Variants in SNTG2 observed in about 807,000 individuals in gnomAD.
The protein encoded by SNTG2 is syntrophin gamma 2.
SNTG2 carries 74 observed loss-of-function variants against 70.9 expected under a neutral mutation model. That is an observed-to-expected ratio of 1.04 (90% CI 0.86 to 1.27). The LOEUF is 1.27. Ranked by LOEUF, SNTG2 falls within the 50% of genes most tolerant of loss-of-function variation. The pLI, the probability that SNTG2 is intolerant of heterozygous loss-of-function variation, is 0.00. For synonymous variants in SNTG2, 278 were observed against 273.8 expected, an observed-to-expected ratio of 1.02 and a Z score of -0.15; for missense variants, 717 against 690.7, an observed-to-expected ratio of 1.04 and a Z score of -0.43.
At chr2:1,288,990 G>T (rs1679881837) in intron 14 of SNTG2, among the ~76,000 whole-genome samples, 1 of 152,086 alleles carries the variant, frequency 6.6e-6, no homozygotes, top group Admixed American at 6.5e-5. Flanking sequence ...TGGCCTTTGA[G>T]ATTGTTGATT....
chr2:1,078,538 G>A (rs1203075320), intron 1 of SNTG2, among the ~76,000 whole-genome samples: 1 of 152,098 alleles, frequency 6.6e-6, no homozygotes, highest in Non-Finnish European at 1.5e-5. Context: ...CGGCGGCGCT[G>A]CAGGACAGCT....
chr2:1,231,045 G>T, intron 9 of SNTG2, among the ~76,000 whole-genome samples: 1 of 150,586 alleles, frequency 6.6e-6, no homozygotes, highest in East Asian at 2.0e-4. Context: ...TCTTCCATAG[G>T]GTCACTGCGA....
At chr2:1,283,189 G>A (rs899643431) in intron 14 of SNTG2, among the ~76,000 whole-genome samples, 2 of 152,046 alleles carry the variant, frequency 1.3e-5, no homozygotes, top group African/African-American at 4.8e-5. Context: ...TACTGCTGCC[G>A]CCCACGCCCT....
intron 14 of SNTG2, among the ~76,000 whole-genome samples, chr2:1,299,418 G>A (rs1352711219): frequency 6.6e-6 from 1 of 152,130 alleles, no homozygotes; most frequent in Non-Finnish European, 1.5e-5. Flanking sequence ...GCTTTGGGTG[G>A]CTCCTGCAGT....
chr2:1,320,338 T>A (rs1572977481), intron 16 of SNTG2, among the ~76,000 whole-genome samples: 2 of 151,728 alleles, frequency 1.3e-5, no homozygotes, highest in South Asian at 4.2e-4. Context: ...ATCGAGACCA[T>A]CCTGGCTGAC....
intron 14 of SNTG2, among the ~76,000 whole-genome samples, chr2:1,296,611 C>T (rs548345867): frequency 6.6e-6 from 1 of 152,354 alleles, no homozygotes. Flanking sequence ...CCTGGTCACT[C>T]AGGGACCTCA....
intron 9 of SNTG2, among the ~76,000 whole-genome samples, chr2:1,231,818 C>G (rs949197282): frequency 8.5e-5 from 13 of 152,196 alleles, no homozygotes; most frequent in Non-Finnish European, 1.8e-4. Context: ...AACATTTACT[C>G]ACAAAGCAAA....
rs1349891758 is a variant in SNTG2, at chr2:1,173,123, T to A, written c.531T>A (p.Ser177Arg). ...GSPGPSSDHS[S>R]GASSPLFDSG... is the part of the protein sequence containing the mutation. ...CAGGGCCATCCAGCGACCACAGCAG[T>A]GGGGCCTCCTCTCCCCTCTTTGACA... The change falls in exon 8 of 17, where the codon AGT (serine) becomes AGA (arginine). Residue 177 changes from serine to arginine, a missense_variant. Coordinates refer to ENST00000308624, the MANE Select transcript of SNTG2 (RefSeq NM_018968.4). The A allele has an allele frequency of 6.2e-7, 1 of 1,614,008 alleles. No individual in the cohort carries two copies. The highest frequency in any genetic ancestry group is 2.2e-5 in the East Asian group (1 of 44,884).
chr2:1,363,195 G>A lies in SNTG2; in HGVS notation c.1489-4148G>A, dbSNP rs139893923. Among the ~76,000 whole-genome samples, 18 of 148,258 alleles carry A rather than the reference G, an allele frequency of 1.2e-4. No homozygotes were observed. In the East Asian group the frequency reaches 2.9e-3, roughly 23 times the overall value. ...ACAAGAAGTACCACAAAAGACCCTG[G>A]CAACACCACAAGCTGCACAAAGACC... On this transcript the variant is annotated intron_variant, in intron 16 of 16. Coordinates refer to ENST00000308624, the MANE Select transcript of SNTG2 (RefSeq NM_018968.4).
chr2:1,124,143 GAAGT>G (rs1031297607), intron 4 of SNTG2, among the ~76,000 whole-genome samples: 2 of 151,882 alleles, frequency 1.3e-5, no homozygotes, highest in African/African-American at 4.8e-5. Context: ...AAAAACATGT[GAAGT>G]ATTTGAGGTC....
chr2:984,259 CTTT>C (rs35096466), intron 1 of SNTG2, among the ~76,000 whole-genome samples: 19,895 of 140,244 alleles, frequency 0.14, 1,591 homozygotes, highest in Middle Eastern at 0.22. Context: ...AGAAACAAAG[CTTT>C]TTTTTTTTTT....
chr2:1,064,233 G>C (rs1388577178), intron 1 of SNTG2, among the ~76,000 whole-genome samples: 1 of 151,920 alleles, frequency 6.6e-6, no homozygotes, highest in Non-Finnish European at 1.5e-5. Flanking sequence ...TCAAACAGAA[G>C]TAAAATAAAA....
At chr2:1,115,732 C>G (rs78389930) in intron 4 of SNTG2, among the ~76,000 whole-genome samples, 63 of 117,404 alleles carry the variant, frequency 5.4e-4, no homozygotes, top group African/African-American at 1.7e-3. Context: ...GATGTTTAAG[C>G]CTCAGAGTCC....
At chr2:1,137,026 A>T (rs73168784) in intron 4 of SNTG2, among the ~76,000 whole-genome samples, 2,708 of 152,318 alleles carry the variant, frequency 0.018, 95 homozygotes, top group African/African-American at 0.061. Context: ...CTTTGTTACG[A>T]GGAAGTGACA....
At chr2:1,129,403 A>G (rs28532183) in intron 4 of SNTG2, among the ~76,000 whole-genome samples, 72,193 of 152,096 alleles carry the variant, frequency 0.47, 18,159 homozygotes, top group East Asian at 0.66. Flanking sequence ...AAAGGTCTAT[A>G]TCATTATTTG....
At chr2:1,151,604 C>T (rs1669500889) in intron 6 of SNTG2, among the ~76,000 whole-genome samples, 1 of 152,192 alleles carries the variant, frequency 6.6e-6, no homozygotes, top group Admixed American at 6.5e-5. Context: ...CTCTAGGAAC[C>T]TTCAATGCTT....
At chr2:1,311,367 C>A (rs1680979332) in intron 15 of SNTG2, among the ~76,000 whole-genome samples, 2 of 152,150 alleles carry the variant, frequency 1.3e-5, no homozygotes, top group Admixed American at 1.3e-4. Flanking sequence ...ACAACTGAAC[C>A]TGAAAATAGC....
chr2:1,120,136 C>G (rs751681325), intron 4 of SNTG2, among the ~76,000 whole-genome samples: 1 of 152,074 alleles, frequency 6.6e-6, no homozygotes, highest in Admixed American at 6.5e-5. Context: ...ATTGATCATT[C>G]TTTCTCTATC....
chr2:1,241,975 A>G (rs28567636), intron 11 of SNTG2, among the ~76,000 whole-genome samples: 1,827 of 152,328 alleles, frequency 0.012, 40 homozygotes, highest in African/African-American at 0.042. Flanking sequence ...TAATATAAGA[A>G]AGTTGTACTG....
Sources: allele counts gnomAD v4.1 joint callset (sites outside exome capture counted in the v4.1 genomes callset), GRCh38; gene constraint gnomAD v4.1.1; transcripts MANE v1.5; gene names NCBI Gene and HGNC (gene_info 2026-07-23, HGNC 2026-07-21).